The following L3MBTL3 variants were observed in gnomAD, a reference collection of about 807,000 sequenced individuals.
The protein encoded by L3MBTL3 is L3MBTL histone methyl-lysine binding protein 3.
A neutral mutation model predicts 102.3 loss-of-function variants in L3MBTL3; 27 were observed. That is an observed-to-expected ratio of 0.26 (90% CI 0.19 to 0.36). The LOEUF is 0.36. Among genes scored for constraint, L3MBTL3 ranks in the 10% least tolerant of loss-of-function variants. The pLI is 1.00. For synonymous variants in L3MBTL3, 340 were observed against 320.9 expected (o/e 1.06, Z -0.64); for missense variants, 798 against 955.3 (o/e 0.84, Z 2.17).
intron 19 of L3MBTL3, among the ~76,000 whole-genome samples, chr6:130,112,057 C>T (rs1185210433): frequency 6.6e-6 from 1 of 152,212 alleles, no homozygotes; most frequent in Non-Finnish European, 1.5e-5. Flanking sequence ...TAGCTAATCT[C>T]TCATCTTTGG....
intron 20 of L3MBTL3, among the ~76,000 whole-genome samples, chr6:130,122,359 G>T (rs928877588): frequency 6.6e-6 from 1 of 152,152 alleles, no homozygotes; most frequent in African/African-American, 2.4e-5. Context: ...ACCCCTTATG[G>T]TGTTTATGTA....
At chr6:130,057,562 G>A (rs748738642) in intron 9 of L3MBTL3, 65 bp downstream of exon 9, 41 of 1,265,084 alleles carry the variant, frequency 3.2e-5, no homozygotes, top group Middle Eastern at 1.9e-4. Context: ...CCTGAATTAC[G>A]ATTGTTGTTT....
At chr6:130,022,816 G>C (rs1779095683) in intron 2 of L3MBTL3, among the ~76,000 whole-genome samples, 1 of 152,166 alleles carries the variant, frequency 6.6e-6, no homozygotes, top group Admixed American at 6.5e-5. Context: ...CCATGTTGCA[G>C]GGTTATGAGT....
At chr6:130,051,748 CAT>C (rs1273885083) in intron 6 of L3MBTL3, among the ~76,000 whole-genome samples, 3 of 152,188 alleles carry the variant, frequency 2.0e-5, no homozygotes, top group Admixed American at 1.3e-4. Context: ...TTTATAGAAA[CAT>C]AGTTTTGTTT....
intron 2 of L3MBTL3, among the ~76,000 whole-genome samples, chr6:130,026,041 A>G (rs1198895047): frequency 6.6e-6 from 1 of 152,124 alleles, no homozygotes; most frequent in Non-Finnish European, 1.5e-5. Flanking sequence ...CTGTGATGGC[A>G]TCTCTGGATG....
intron 13 of L3MBTL3, among the ~76,000 whole-genome samples, chr6:130,071,515 G>T (rs1782641431): frequency 1.3e-5 from 2 of 151,710 alleles, no homozygotes; most frequent in Non-Finnish European, 2.9e-5. Flanking sequence ...TAGATATCCT[G>T]CACAAAGTTG....
At chr6:130,020,684 G>A (rs1435104795) in intron 1 of L3MBTL3, 1 of 151,876 alleles carries the variant, frequency 6.6e-6, no homozygotes, top group Non-Finnish European at 1.5e-5. Flanking sequence ...CGTTGCTTCG[G>A]TTTCCCTTCT....
At chr6:130,035,155 TA>T (rs368955710) in intron 2 of L3MBTL3, among the ~76,000 whole-genome samples, 3,828 of 152,298 alleles carry the variant, frequency 0.025, 76 homozygotes, top group Middle Eastern at 0.065. Flanking sequence ...TTTTATTCAT[TA>T]AAAAAATTAT....
At chr6:130,086,851 C>G (rs1472880535) in intron 16 of L3MBTL3, among the ~76,000 whole-genome samples, 1 of 152,128 alleles carries the variant, frequency 6.6e-6, no homozygotes, top group South Asian at 2.1e-4. Context: ...CACCCTCAGA[C>G]CAAAACAATG....
At chr6:130,080,088 C>G (rs1039149233) in intron 14 of L3MBTL3, among the ~76,000 whole-genome samples, 1 of 151,874 alleles carries the variant, frequency 6.6e-6, no homozygotes, top group Non-Finnish European at 1.5e-5. Context: ...GACCCTGTCT[C>G]TATAAAAAAT....
At chr6:130,051,463 G>A (rs1221907252) in intron 6 of L3MBTL3, 55 bp downstream of exon 6, 1 of 1,470,842 alleles carries the variant, frequency 6.8e-7, no homozygotes, top group African/African-American at 1.4e-5. Context: ...CAAAGTCATG[G>A]TGCCTGAGAA....
chr6:130,032,731 C>G (rs554878651), intron 2 of L3MBTL3, among the ~76,000 whole-genome samples: 87 of 152,294 alleles, frequency 5.7e-4, no homozygotes, highest in African/African-American at 1.9e-3. Flanking sequence ...TGGCTCACAC[C>G]TGTAATCCCT....
intron 19 of L3MBTL3, among the ~76,000 whole-genome samples, chr6:130,115,153 G>T (rs1045913946): frequency 6.6e-6 from 1 of 152,262 alleles, no homozygotes; most frequent in Admixed American, 6.5e-5. Flanking sequence ...TGTTACTGGG[G>T]AAGTACAAGT....
At chr6:130,068,476 C>T in intron 12 of L3MBTL3, 55 bp downstream of exon 12, 1 of 894,888 alleles carries the variant, frequency 1.1e-6, no homozygotes, top group South Asian at 1.4e-5. Context: ...TTGAGTGTCT[C>T]ATAGGATCAA....
intron 2 of L3MBTL3, among the ~76,000 whole-genome samples, chr6:130,025,826 C>G (rs553092550): frequency 2.0e-5 from 3 of 152,118 alleles, no homozygotes; most frequent in Non-Finnish European, 2.9e-5. Flanking sequence ...GTCTAAATTA[C>G]TGTTGTGAAC....
intron 19 of L3MBTL3, 62 bp downstream of exon 19, chr6:130,104,637 C>G (rs1407368275): frequency 2.4e-6 from 3 of 1,225,404 alleles, no homozygotes; most frequent in Non-Finnish European, 3.3e-6. Flanking sequence ...GATTTTTTAT[C>G]TTTTAGATAT....
rs1788173446 is a variant in L3MBTL3 at position 130,140,489 on chromosome 6, A to G, written c.*736A>G. 6.6e-6 allele frequency: 1 copy of G among 152,590 alleles called. No homozygotes were observed. The highest frequency in any genetic ancestry group is 1.5e-5 in the Non-Finnish European group (1 of 68,046). The allele number at this position is 152,590 out of a possible 1,614,324, so 9.5% of individuals were successfully genotyped here. A position where few individuals can be genotyped will look rare whatever the true frequency, so the allele number is the denominator to read the frequency against. On this transcript the variant is annotated 3_prime_UTR_variant, in exon 23 of 23. Coordinates refer to ENST00000361794, the MANE Select transcript of L3MBTL3 (RefSeq NM_032438.4). ...AAATAAAATATATAAACATAAATAA[A>G]TTAGGTAGTGTATTTTGAGTGGCAT...
intron 16 of L3MBTL3, 130 bp downstream of exon 16, chr6:130,086,380 T>C: frequency 1.5e-6 from 1 of 652,496 alleles, no homozygotes; most frequent in South Asian, 1.9e-5. Flanking sequence ...AATAATTGGC[T>C]GTGCATCTTT....
chr6:130,086,123 A>AT lies in L3MBTL3; in HGVS notation c.1408-8dup, dbSNP rs554978661. 1.2e-3 allele frequency: 1,874 copies of AT among 1,514,508 alleles called. No homozygotes were observed. The highest frequency in any genetic ancestry group is 1.5e-3 in the Non-Finnish European group (1,632 of 1,094,674). 93.8% of individuals were successfully genotyped at this position (1,514,508 alleles called of 1,614,324 possible). A position where few individuals can be genotyped will look rare whatever the true frequency, so the allele number is the denominator to read the frequency against. On this transcript the variant is annotated splice_polypyrimidine_tract_variant and intron_variant, in intron 15 of 22. Transcript: ENST00000361794. ...CTTCCTCTTTATCTCACTCTGTAAA[A>AT]TTTTTTTTTGTGGCAGAAACCTCCT...
Sources: gnomAD v4.1 joint callset for allele counts (sites outside exome capture counted in the v4.1 genomes callset) on GRCh38, gnomAD v4.1.1 for gene constraint, MANE v1.5 for transcripts, NCBI Gene and HGNC (gene_info 2026-07-23, HGNC 2026-07-21) for gene names.